Variants in SEC14L5 observed in about 807,000 individuals in gnomAD.
SEC14L5 encodes SEC14 like lipid binding 5.
A neutral mutation model predicts 84.6 loss-of-function variants in SEC14L5; 96 were observed. The observed-to-expected ratio is 1.13, with a 90% CI of 0.96 to 1.34. The LOEUF is 1.34. SEC14L5 is among the 40% of genes most tolerant of loss of function. The probability of loss-of-function intolerance (pLI) is 0.00; values close to 1 mark genes in which losing one functional copy is unlikely to be tolerated. For synonymous variants in SEC14L5, 546 were observed against 383.4 expected, an observed-to-expected ratio of 1.42 and a Z score of -4.95; for missense variants, 1,224 against 942.5, an observed-to-expected ratio of 1.30 and a Z score of -3.91.
In SEC14L5 at chr16:5,017,372, T is replaced by A. The variant is rs987876858; in HGVS notation, c.*2402T>A. 6.6e-6 allele frequency: 1 copy of A among 152,460 alleles called. No individual in the cohort carries two copies. The highest frequency in any genetic ancestry group is 1.5e-5 in the Non-Finnish European group (1 of 68,128). The allele number at this position is 152,460 out of a possible 1,614,324, so 9.4% of individuals were successfully genotyped here. ...CTGAAGGTGGGTGCTGCTTCAGATA[T>A]GGCTGGATCCAGGAGCTTAATGTCC... On this transcript the variant is annotated 3_prime_UTR_variant, in exon 16 of 16. Transcript: ENST00000251170.
intron 15 of SEC14L5, among the ~76,000 whole-genome samples, chr16:5,011,590 C>G (rs1438628026): frequency 6.6e-6 from 1 of 152,196 alleles, no homozygotes; most frequent in Non-Finnish European, 1.5e-5. Flanking sequence ...TCCCCTCACT[C>G]CTAGAATTCC....
At chr16:4,987,512 C>A in intron 2 of SEC14L5, 45 bp from the exon 3 acceptor site, 1 of 1,455,438 alleles carries the variant, frequency 6.9e-7, no homozygotes, top group Non-Finnish European at 9.2e-7. Flanking sequence ...GGGGGGGTCC[C>A]TCTGCCCCCC....
At chr16:5,003,949 C>T (rs1021131124) in intron 11 of SEC14L5, among the ~76,000 whole-genome samples, 2 of 152,210 alleles carry the variant, frequency 1.3e-5, no homozygotes, top group Non-Finnish European at 1.5e-5. Flanking sequence ...ATATTGTAAC[C>T]CGGTGGGTAC....
chr16:4,996,727 A>T, intron 7 of SEC14L5, 128 bp from the exon 8 acceptor site: 4 of 730,456 alleles, frequency 5.5e-6, no homozygotes, highest in Non-Finnish European at 6.7e-6. Flanking sequence ...GCACACCACC[A>T]CGCCTGGCTA....
At chr16:5,001,926 C>A (rs901193753) in intron 10 of SEC14L5, among the ~76,000 whole-genome samples, 4 of 152,094 alleles carry the variant, frequency 2.6e-5, no homozygotes, top group South Asian at 2.1e-4. Context: ...ATGTGCACCA[C>A]CTTGCCCAGC....
At chr16:4,960,059 A>T (rs1031057920) in intron 2 of SEC14L5, among the ~76,000 whole-genome samples, 1 of 152,158 alleles carries the variant, frequency 6.6e-6, no homozygotes, top group Non-Finnish European at 1.5e-5. Flanking sequence ...TTGTGCAGCA[A>T]GTCAGTTGGA....
intron 2 of SEC14L5, among the ~76,000 whole-genome samples, chr16:4,966,120 C>T (rs2142474457): frequency 6.6e-6 from 1 of 152,232 alleles, no homozygotes; most frequent in African/African-American, 2.4e-5. Flanking sequence ...GTTCCGCCAC[C>T]ATGCCTGGCT....
At chr16:5,008,688 C>T in intron 14 of SEC14L5, 40 bp downstream of exon 14, 2 of 1,538,688 alleles carry the variant, frequency 1.3e-6, no homozygotes, top group Middle Eastern at 3.5e-4. Flanking sequence ...CACCAAGCAG[C>T]ACTGAGTGTC....
chr16:5,006,505 G>A (rs1955733646), intron 12 of SEC14L5, among the ~76,000 whole-genome samples: 2 of 152,266 alleles, frequency 1.3e-5, no homozygotes, highest in South Asian at 4.1e-4. Flanking sequence ...CCCCCTTCAA[G>A]GGAGGCAGTG....
At chr16:5,003,624 G>GGGGGA in intron 11 of SEC14L5, 51 bp downstream of exon 11, 1 of 305,312 alleles carries the variant, frequency 3.3e-6, no homozygotes, top group South Asian at 2.8e-5. Context: ...GGTGGGATGG[G>GGGGGA]AGGGGTTCCG....
At chr16:4,997,280 A>G (rs1276953000) in intron 8 of SEC14L5, among the ~76,000 whole-genome samples, 3 of 152,178 alleles carry the variant, frequency 2.0e-5, no homozygotes, top group Non-Finnish European at 4.4e-5. Context: ...TTGTATTTTT[A>G]GTAGAGATGA....
At chr16:4,963,152 A>T (rs892739306) in intron 2 of SEC14L5, among the ~76,000 whole-genome samples, 2 of 152,222 alleles carry the variant, frequency 1.3e-5, no homozygotes, top group African/African-American at 2.4e-5. Context: ...AATGACTGAA[A>T]TTGGGCTTGA....
chr16:5,007,325 C>A (rs373776504), intron 12 of SEC14L5, 27 bp from the exon 13 acceptor site: 1 of 1,610,770 alleles, frequency 6.2e-7, no homozygotes, highest in Non-Finnish European at 8.5e-7. Context: ...TGGCCCTGAC[C>A]TGCTGCCCTT....
At position 5,015,120 on chromosome 16, in the gene SEC14L5, A is replaced by C. The variant is rs550724414; in HGVS notation, c.*150A>C. ...AGTTGGGGTGTCTGGAGCGGATGGC[A>C]AGGATCCAGAACTGGCCTGTGGGTG... On this transcript the variant is annotated 3_prime_UTR_variant, in exon 16 of 16. Transcript: ENST00000251170. 1.3e-5 allele frequency: 8 copies of C among 630,738 alleles called. No homozygotes were observed. In the East Asian group the frequency reaches 2.2e-4, roughly 17 times the overall value. 39.1% of individuals were successfully genotyped at this position (630,738 alleles called of 1,614,324 possible). A position where few individuals can be genotyped will look rare whatever the true frequency, so the allele number is the denominator to read the frequency against.
chr16:5,003,562 C>A lies in SEC14L5; in HGVS notation c.1291C>A (p.Leu431Ile). Residue 431 changes from leucine to isoleucine, a missense_variant, in exon 11 of 16, where the codon CTC (leucine) becomes ATC (isoleucine). Coordinates refer to ENST00000251170, the MANE Select transcript of SEC14L5 (RefSeq NM_014692.2). Reference protein sequence around the residue: ...IVRAPRVFPVLWTLISPFINE... With the variant: ...IVRAPRVFPVIWTLISPFINE... ...GCGAGCCCCCCGAGTCTTCCCCGTG[C>A]TCTGGACACTGGTAAGAGCTGGAGC... is the stretch of plus-strand genomic sequence containing the variant. The A allele has an allele frequency of 7.4e-7, 1 of 1,350,212 alleles. No individual in the cohort carries two copies. 83.6% of individuals were successfully genotyped at this position (1,350,212 alleles called of 1,614,324 possible). A position where few individuals can be genotyped will look rare whatever the true frequency, so the allele number is the denominator to read the frequency against.
chr16:4,997,221 C>T (rs1408178577), intron 8 of SEC14L5, among the ~76,000 whole-genome samples, 177 bp downstream of exon 8: 2 of 152,186 alleles, frequency 1.3e-5, no homozygotes, highest in Non-Finnish European at 2.9e-5. Context: ...GCCTCAGCCT[C>T]CCCAGCAGCT....
chr16:4,974,123 G>C (rs1482946774), intron 2 of SEC14L5, among the ~76,000 whole-genome samples: 3 of 152,118 alleles, frequency 2.0e-5, no homozygotes, highest in Admixed American at 1.3e-4. Flanking sequence ...AAGGATACAG[G>C]GCTTCTTTTG....
chr16:4,965,660 CAAAAAAAAAAAAAAAAAA>C (rs34483309), intron 2 of SEC14L5, among the ~76,000 whole-genome samples: 1 of 53,102 alleles, frequency 1.9e-5, no homozygotes, highest in Non-Finnish European at 2.9e-5. Context: ...GACTCCATCT[CAAAAAAAAAAAAAAAAAA>C]AAAAAAAAAA....
chr16:4,999,149 T>C (rs1955648094), intron 8 of SEC14L5, among the ~76,000 whole-genome samples: 1 of 152,198 alleles, frequency 6.6e-6, no homozygotes, highest in Non-Finnish European at 1.5e-5. Context: ...CTTCGTGTAG[T>C]GCAGAATTGC....
Sources: allele counts gnomAD v4.1 joint callset (sites outside exome capture counted in the v4.1 genomes callset), GRCh38; gene constraint gnomAD v4.1.1; transcripts MANE v1.5; gene names NCBI Gene and HGNC (gene_info 2026-07-23, HGNC 2026-07-21).